The following TTC28 variants were observed in gnomAD, a reference collection of about 807,000 sequenced individuals.
TTC28 encodes the protein tetratricopeptide repeat protein 28.
In TTC28, 61 loss-of-function variants were observed where a neutral mutation model predicts 198.0. The ratio of observed to expected loss-of-function variants is 0.31; its 90% CI spans 0.25 to 0.38. The LOEUF (loss-of-function observed/expected upper bound fraction) is 0.38, where lower values mean the gene tolerates loss of function less well. Among genes scored for constraint, TTC28 ranks in the 10% least tolerant of loss-of-function variants. The pLI is 1.00. For synonymous variants in TTC28, 1,171 were observed against 1,297.8 expected (o/e 0.90, Z 2.10); for missense variants, 2,678 against 3,164.0 (o/e 0.85, Z 3.69).
chr22:28,437,444 G>C (rs2047537736), intron 2 of TTC28, among the ~76,000 whole-genome samples: 1 of 152,088 alleles, frequency 6.6e-6, no homozygotes, highest in African/African-American at 2.4e-5. Flanking sequence ...CCCATATGCA[G>C]TCATTTTCCT....
chr22:28,070,109 T>C (rs1940911541), intron 12 of TTC28, among the ~76,000 whole-genome samples: 1 of 152,212 alleles, frequency 6.6e-6, no homozygotes, highest in Non-Finnish European at 1.5e-5. Flanking sequence ...GCTTCAGCTT[T>C]AACATAATTA....
chr22:28,021,357 C>T (rs1474439704), intron 13 of TTC28, among the ~76,000 whole-genome samples: 1 of 152,132 alleles, frequency 6.6e-6, no homozygotes, highest in African/African-American at 2.4e-5. Flanking sequence ...GCAGCCACTA[C>T]CGTGGGGCCA....
chr22:28,387,306 G>A (rs1327179871), intron 2 of TTC28, among the ~76,000 whole-genome samples: 3 of 152,112 alleles, frequency 2.0e-5, no homozygotes, highest in Admixed American at 2.0e-4. Context: ...ATAAACATAC[G>A]TGTGCATGTG....
chr22:28,138,653 A>T (rs762786484), intron 6 of TTC28, among the ~76,000 whole-genome samples: 3 of 152,140 alleles, frequency 2.0e-5, no homozygotes, highest in Admixed American at 6.5e-5. Flanking sequence ...GTTTGGAAAA[A>T]TCCTGAGGCT....
intron 2 of TTC28, among the ~76,000 whole-genome samples, chr22:28,329,487 T>C (rs897287756): frequency 2.0e-5 from 3 of 152,138 alleles, no homozygotes; most frequent in African/African-American, 7.2e-5. Context: ...AATATAGCTT[T>C]CCCCGATGAG....
intron 6 of TTC28, among the ~76,000 whole-genome samples, chr22:28,117,053 T>A (rs573230231): frequency 1.3e-5 from 2 of 152,356 alleles, no homozygotes; most frequent in South Asian, 4.1e-4. Flanking sequence ...CGTGAGAAGT[T>A]AGGCATGGCA....
chr22:28,227,109 T>A (rs1258128378), intron 5 of TTC28, among the ~76,000 whole-genome samples: 9 of 152,014 alleles, frequency 5.9e-5, no homozygotes, highest in Admixed American at 5.9e-4. Flanking sequence ...TTTATTTTTA[T>A]TTTTTTAGAG....
intron 1 of TTC28, among the ~76,000 whole-genome samples, chr22:28,669,309 A>T (rs1330148520): frequency 6.6e-6 from 1 of 151,690 alleles, no homozygotes; most frequent in East Asian, 1.9e-4. Context: ...TAATAAAAAA[A>T]AAAAAAGAAA....
intron 5 of TTC28, among the ~76,000 whole-genome samples, chr22:28,173,475 G>A (rs950290568): frequency 1.3e-5 from 2 of 152,172 alleles, no homozygotes; most frequent in Admixed American, 6.5e-5. Flanking sequence ...ATACTAAAAT[G>A]CATACAAACA....
At chr22:28,314,589 A>G (rs2145832010) in intron 2 of TTC28, among the ~76,000 whole-genome samples, 1 of 152,156 alleles carries the variant, frequency 6.6e-6, no homozygotes, top group East Asian at 1.9e-4. Flanking sequence ...TCTTTGACAA[A>G]CCTGACACAC....
chr22:28,352,896 G>C (rs1171633835), intron 2 of TTC28, among the ~76,000 whole-genome samples: 24 of 151,962 alleles, frequency 1.6e-4, no homozygotes, highest in Admixed American at 1.6e-3. Flanking sequence ...AAGGAAGAGA[G>C]GTAATAAGGA....
intron 5 of TTC28, among the ~76,000 whole-genome samples, chr22:28,225,437 T>C (rs1296326708): frequency 1.3e-5 from 2 of 151,698 alleles, no homozygotes; most frequent in African/African-American, 2.4e-5. Context: ...GTGCTTCAAA[T>C]TTTCATTCCG....
intron 2 of TTC28, among the ~76,000 whole-genome samples, chr22:28,355,296 C>T (rs866495805): frequency 6.6e-6 from 1 of 151,992 alleles, no homozygotes; most frequent in South Asian, 2.1e-4. Flanking sequence ...AAGTATTTTT[C>T]CCCCTTTGGA....
chr22:28,405,453 A>G (rs2146115742), intron 2 of TTC28, among the ~76,000 whole-genome samples: 1 of 152,350 alleles, frequency 6.6e-6, no homozygotes, highest in South Asian at 2.1e-4. Flanking sequence ...ACAAATAGCT[A>G]TAGCAGAAGG....
intron 2 of TTC28, among the ~76,000 whole-genome samples, chr22:28,517,134 G>A (rs2048805731): frequency 6.6e-6 from 1 of 152,098 alleles, no homozygotes; most frequent in African/African-American, 2.4e-5. Flanking sequence ...ATATCAGACT[G>A]ATCAAATTGA....
chr22:28,371,624 T>A (rs1158810006), intron 2 of TTC28, among the ~76,000 whole-genome samples: 2 of 112,436 alleles, frequency 1.8e-5, no homozygotes, highest in African/African-American at 7.0e-5. Context: ...AGACAGAGTC[T>A]CACTCTGTCA....
At chr22:28,217,956 C>T (rs1186007470) in intron 5 of TTC28, among the ~76,000 whole-genome samples, 1 of 152,152 alleles carries the variant, frequency 6.6e-6, no homozygotes, top group African/African-American at 2.4e-5. Flanking sequence ...TAGAAGACAA[C>T]TGGATTTTCT....
intron 2 of TTC28, among the ~76,000 whole-genome samples, chr22:28,346,896 A>G (rs779550435): frequency 1.6e-4 from 25 of 152,344 alleles, no homozygotes; most frequent in Non-Finnish European, 3.7e-4. Context: ...TTGTCAAGGT[A>G]CAAGCAAGCA....
At chr22:28,472,545 AATGTGTAT>A (rs757016148) in intron 2 of TTC28, among the ~76,000 whole-genome samples, 1 of 121,180 alleles carries the variant, frequency 8.3e-6, no homozygotes, top group Non-Finnish European at 1.8e-5. Flanking sequence ...ACAAAAAGAA[AATGTGTAT>A]GTGTGTGTGT....
Sources: gnomAD v4.1 joint callset for allele counts (sites outside exome capture counted in the v4.1 genomes callset) on GRCh38, gnomAD v4.1.1 for gene constraint, MANE v1.5 for transcripts, NCBI Gene and HGNC (gene_info 2026-07-23, HGNC 2026-07-21) for gene names.